The following SNTG1 variants were observed in gnomAD, a reference collection of about 807,000 sequenced individuals.
The protein encoded by SNTG1 is gamma-1-syntrophin.
SNTG1 carries 39 observed loss-of-function variants against 74.7 expected under a neutral mutation model. That is an observed-to-expected ratio of 0.52 (90% CI 0.40 to 0.68). The LOEUF (loss-of-function observed/expected upper bound fraction) is 0.68. Ranked by LOEUF, SNTG1 falls within the 30% of genes least tolerant of loss-of-function variation. The pLI is 0.00. For missense variants in SNTG1, 685 were observed against 609.5 expected (o/e 1.12, Z -1.30); for synonymous variants, 254 against 217.1 (o/e 1.17, Z -1.49).
At chr8:50,147,831 A>T (rs2131512402) in intron 1 of SNTG1, among the ~76,000 whole-genome samples, 1 of 152,348 alleles carries the variant, frequency 6.6e-6, no homozygotes, top group East Asian at 1.9e-4. Flanking sequence ...CAGTAACCAT[A>T]AACACACTGC....
chr8:50,164,254 C>T (rs1293700602), intron 1 of SNTG1: 7 of 152,204 alleles, frequency 4.6e-5, no homozygotes, highest in Admixed American at 3.9e-4. Flanking sequence ...TATTCAGATG[C>T]TTTGCCATGG....
intron 2 of SNTG1, among the ~76,000 whole-genome samples, chr8:50,319,091 T>A (rs886334888): frequency 5.9e-5 from 9 of 152,126 alleles, no homozygotes; most frequent in Non-Finnish European, 1.2e-4. Flanking sequence ...TTCTTCTATT[T>A]GTTTACCTAG....
chr8:50,278,444 T>C (rs758533073), intron 2 of SNTG1, among the ~76,000 whole-genome samples: 3 of 152,172 alleles, frequency 2.0e-5, no homozygotes, highest in Admixed American at 6.6e-5. Flanking sequence ...GCCTGCCTAA[T>C]TGAAATGGAA....
intron 1 of SNTG1, among the ~76,000 whole-genome samples, chr8:50,094,238 A>T (rs1220642014): frequency 6.6e-6 from 1 of 152,116 alleles, no homozygotes; most frequent in Non-Finnish European, 1.5e-5. Context: ...GTGCTAAGGG[A>T]AAGAAGATGG....
At chr8:50,633,734 G>T (rs1252557868) in intron 13 of SNTG1, among the ~76,000 whole-genome samples, 1 of 152,090 alleles carries the variant, frequency 6.6e-6, no homozygotes, top group Admixed American at 6.5e-5. Context: ...CAAATTCTAT[G>T]GCGCTGAAAC....
At chr8:50,544,387 T>C (rs1390518776) in intron 11 of SNTG1, among the ~76,000 whole-genome samples, 1 of 152,100 alleles carries the variant, frequency 6.6e-6, no homozygotes, top group East Asian at 1.9e-4. Flanking sequence ...CATATAACTA[T>C]TCAAACATAT....
intron 10 of SNTG1, among the ~76,000 whole-genome samples, chr8:50,534,693 A>G (rs1585603797): frequency 6.6e-6 from 1 of 152,070 alleles, no homozygotes; most frequent in Non-Finnish European, 1.5e-5. Flanking sequence ...AGGCAGGAGG[A>G]CCACTTGACC....
chr8:50,071,815 T>TAAAAAAAAA (rs10657455), intron 1 of SNTG1, among the ~76,000 whole-genome samples: 1 of 145,376 alleles, frequency 6.9e-6, no homozygotes. Context: ...ATACTAGTAC[T>TAAAAAAAAA]AAAAAAAAAA....
At chr8:50,508,654 A>T (rs920682460) in intron 9 of SNTG1, among the ~76,000 whole-genome samples, 24 of 152,060 alleles carry the variant, frequency 1.6e-4, no homozygotes, top group Non-Finnish European at 2.8e-4. Flanking sequence ...TTTGATTTGC[A>T]TTTCTCTGAT....
At chr8:50,375,812 A>G (rs2092366477) in intron 2 of SNTG1, among the ~76,000 whole-genome samples, 1 of 152,342 alleles carries the variant, frequency 6.6e-6, no homozygotes, top group South Asian at 2.1e-4. Flanking sequence ...TGTATGTTTT[A>G]TATATGCATG....
At chr8:50,114,243 C>G (rs1169399066) in intron 1 of SNTG1, among the ~76,000 whole-genome samples, 1 of 151,922 alleles carries the variant, frequency 6.6e-6, no homozygotes, top group Non-Finnish European at 1.5e-5. Flanking sequence ...TGGTAATTAT[C>G]TAAAAAATAA....
intron 1 of SNTG1, among the ~76,000 whole-genome samples, chr8:50,035,214 G>GGAGGA (rs1818051438): frequency 3.3e-5 from 5 of 152,166 alleles, no homozygotes. Context: ...CCTCCTGGGT[G>GGAGGA]TCTCTCTTAG....
rs1284225802 is a variant in SNTG1, at chr8:50,484,864, AAAAAAAG to A, written c.364-17902_364-17896del. Among the ~76,000 whole-genome samples, 4 of 152,010 alleles carry A rather than the reference AAAAAAAG, an allele frequency of 2.6e-5. No individual in the cohort carries two copies. In the East Asian group the frequency reaches 5.8e-4, roughly 22 times the overall value. ...ACAAGAGAGAGACTCCATCTCAAAA[AAAAAAAG>A]AAAAAAGAAAAGAAAAAGAAAGAAA... On this transcript the variant is annotated intron_variant, in intron 8 of 18. Coordinates refer to ENST00000642720, the MANE Select transcript of SNTG1 (RefSeq NM_018967.5).
rs542628735 is a variant in SNTG1, at chr8:50,090,817, A to G, written c.-102-81744A>G. ...TAGTTAGAACCTGAGACACAAAGAA[A>G]CAGACAGCATATGAATAAAATGCAT... On this transcript the variant is annotated intron_variant, in intron 1 of 18. Transcript: ENST00000642720. 1.3e-3 allele frequency among the ~76,000 whole-genome samples: 192 copies of G among 152,274 alleles called. 2 individuals carry two copies. The highest frequency in any genetic ancestry group is 4.3e-3 in the African/African-American group (180 of 41,560).
intron 18 of SNTG1, among the ~76,000 whole-genome samples, chr8:50,753,470 A>C (rs1419739306): frequency 6.6e-6 from 1 of 151,994 alleles, no homozygotes; most frequent in East Asian, 1.9e-4. Flanking sequence ...AGTTGCTGAC[A>C]GCGGTACAGT....
intron 2 of SNTG1, among the ~76,000 whole-genome samples, chr8:50,235,884 AAAAAGAAAAAAATGTTTCT>A (rs2085867205): frequency 6.6e-6 from 1 of 152,224 alleles, no homozygotes; most frequent in Non-Finnish European, 1.5e-5. Flanking sequence ...AAAAAAAAGA[AAAAAGAAAAAAATGTTTCT>A]AGCATTATTT....
chr8:50,076,155 T>C (rs1821864004), intron 1 of SNTG1, among the ~76,000 whole-genome samples: 1 of 152,184 alleles, frequency 6.6e-6, no homozygotes. Context: ...CCTTAGAAAT[T>C]TTCCATTAAG....
rs563889749 is a variant in SNTG1 at position 50,389,679 on chromosome 8, A to C, written c.-27-4533A>C. Among the ~76,000 whole-genome samples the C allele has an allele frequency of 1.4e-3, 213 of 152,282 alleles. 1 individual carries two copies. The highest frequency in any genetic ancestry group is 4.8e-3 in the African/African-American group (200 of 41,560). ...GACACACTGTCTTCCACAATGGTTG[A>C]ACTAGTTTACAGTCCCACCAACACT... On this transcript the variant is annotated intron_variant, in intron 2 of 18. Coordinates refer to ENST00000642720, the MANE Select transcript of SNTG1 (RefSeq NM_018967.5).
chr8:50,139,447 A>G (rs2081587264), intron 1 of SNTG1, among the ~76,000 whole-genome samples: 1 of 152,130 alleles, frequency 6.6e-6, no homozygotes. Context: ...GTTGACTAGC[A>G]CTCCCAGAAG....
Sources: gnomAD v4.1 joint callset for allele counts (sites outside exome capture counted in the v4.1 genomes callset) on GRCh38, gnomAD v4.1.1 for gene constraint, MANE v1.5 for transcripts, NCBI Gene and HGNC (gene_info 2026-07-23, HGNC 2026-07-21) for gene names.